Variants in ZNF709 observed in about 807,000 individuals in gnomAD.
ZNF709 encodes zinc finger protein 709.
Under a neutral mutation model 10.6 loss-of-function variants are expected in ZNF709, and 15 were observed. The ratio of observed to expected loss-of-function variants is 1.41; its 90% CI spans 0.95 to 2.18. ZNF709 has a LOEUF of 2.18. Among genes scored for constraint, ZNF709 ranks in the 30% most tolerant of loss-of-function variants. The pLI is 0.00. For synonymous variants in ZNF709, 194 were observed against 238.8 expected (o/e 0.81, Z 1.73); for missense variants, 589 against 774.0 (o/e 0.76, Z 2.84).
chr19:12,467,958 C>T (rs1033793148), intron 1 of ZNF709, among the ~76,000 whole-genome samples: 12 of 151,908 alleles, frequency 7.9e-5, no homozygotes, highest in East Asian at 3.9e-4. Flanking sequence ...CACGGCCAGC[C>T]GCCCCGTCCG....
chr19:12,470,947 G>A (rs1266359823), intron 1 of ZNF709, among the ~76,000 whole-genome samples: 1 of 151,356 alleles, frequency 6.6e-6, no homozygotes, highest in Non-Finnish European at 1.5e-5. Context: ...AAAAAAGAGT[G>A]GCTTAGCGTG....
chr19:12,482,830 T>G (rs1178986316), intron 1 of ZNF709, among the ~76,000 whole-genome samples: 1 of 152,072 alleles, frequency 6.6e-6, no homozygotes, highest in Non-Finnish European at 1.5e-5. Context: ...AAGAAACAAC[T>G]GGGCCTTCGA....
chr19:12,463,896 C>T lies in ZNF709; in HGVS notation c.*100G>A, dbSNP rs1448314292. 129 of 1,105,834 alleles carry T rather than the reference C, an allele frequency of 1.2e-4. No individual in the cohort carries two copies. Among genetic ancestry groups the T allele is most frequent in the Non-Finnish European group, 1.5e-4 (121 of 827,186 alleles). The allele number at this position is 1,105,834 out of a possible 1,614,324, so 68.5% of individuals were successfully genotyped here. On this transcript the variant is annotated 3_prime_UTR_variant, in exon 4 of 4. Transcript: ENST00000397732. Reference sequence around the variant, plus strand: ...GAGCTGAGATCACTCTACTGCACTCCAGCCAGGGCAACAGAGTGAGAATTC... The same window carrying T: ...GAGCTGAGATCACTCTACTGCACTCTAGCCAGGGCAACAGAGTGAGAATTC...
intron 3 of ZNF709, 83 bp from the exon 4 acceptor site, chr19:12,465,816 CATT>C (rs1454856326): frequency 8.9e-6 from 10 of 1,123,780 alleles, no homozygotes; most frequent in East Asian, 2.8e-5. Context: ...ATTTCACAAT[CATT>C]AGTAGGTAGT....
rs1345569377 is a variant in ZNF709, at chr19:12,461,493, A to C, written c.*2503T>G. ...CAGTGCAGTGGAGAAGCAGACACCC[A>C]TGTAGTTCTTTTTGACTGCACCACT... On this transcript the variant is annotated 3_prime_UTR_variant, in exon 4 of 4. Transcript: ENST00000397732. 6.6e-6 allele frequency: 1 copy of C among 152,198 alleles called. No homozygotes were observed. The highest frequency in any genetic ancestry group is 2.4e-5 in the African/African-American group (1 of 41,452). 9.4% of individuals were successfully genotyped at this position (152,198 alleles called of 1,614,324 possible). A position where few individuals can be genotyped will look rare whatever the true frequency, so the allele number is the denominator to read the frequency against.
intron 1 of ZNF709, among the ~76,000 whole-genome samples, chr19:12,480,977 T>C (rs1599636593): frequency 6.7e-6 from 1 of 148,172 alleles, no homozygotes; most frequent in African/African-American, 2.5e-5. Context: ...AGAGACAGGG[T>C]TTCGCCATGT....
chr19:12,463,851 C>G lies in ZNF709; in HGVS notation c.*145G>C, dbSNP rs1237664303. 12 of 599,322 alleles carry G rather than the reference C, an allele frequency of 2.0e-5. No homozygotes were observed. In the South Asian group the frequency reaches 5.6e-4, roughly 28 times the overall value. 37.1% of individuals were successfully genotyped at this position (599,322 alleles called of 1,614,324 possible). A position where few individuals can be genotyped will look rare whatever the true frequency, so the allele number is the denominator to read the frequency against. ...CTGAGGCAGGAGAATCGCTTGAACCCAGGAGACAGAGGTTGCAGTGAGCTG... is the reference window on the plus strand; with the variant it reads ...CTGAGGCAGGAGAATCGCTTGAACCGAGGAGACAGAGGTTGCAGTGAGCTG... On this transcript the variant is annotated 3_prime_UTR_variant, in exon 4 of 4. Transcript: ENST00000397732.
At chr19:12,470,227 G>C (rs1970623282) in intron 1 of ZNF709, among the ~76,000 whole-genome samples, 1 of 152,064 alleles carries the variant, frequency 6.6e-6, no homozygotes, top group African/African-American at 2.4e-5. Context: ...CTTTGAAAAA[G>C]ATCATTAACC....
At chr19:12,467,626 T>A (rs1429009362) in intron 1 of ZNF709, among the ~76,000 whole-genome samples, 1 of 150,866 alleles carries the variant, frequency 6.6e-6, no homozygotes. Context: ...GAGGAGCCCC[T>A]CTGCCTGGCT....
chr19:12,468,832 C>G lies in ZNF709; in HGVS notation c.4-1982G>C, dbSNP rs137884473. On this transcript the variant is annotated intron_variant, in intron 1 of 3. Coordinates refer to ENST00000397732, the MANE Select transcript of ZNF709 (RefSeq NM_152601.4). Reference sequence around the variant, plus strand: ...CTCAGCATCCCATGAAACACAGGGTCAAATCTGTACGAGATTTTTTTTTTT... The same window carrying G: ...CTCAGCATCCCATGAAACACAGGGTGAAATCTGTACGAGATTTTTTTTTTT... Among the ~76,000 whole-genome samples, 604 of 151,942 alleles carry G rather than the reference C, an allele frequency of 4.0e-3. 4 individuals are homozygous for G. Among genetic ancestry groups the G allele is most frequent in the African/African-American group, 0.014 (566 of 41,422 alleles).
rs1970529464 is a variant in ZNF709 at position 12,462,912 on chromosome 19, T to C, written c.*1084A>G. On this transcript the variant is annotated 3_prime_UTR_variant, in exon 4 of 4. Transcript: ENST00000397732. ...ACTATCAATTCAACTTGTGTACAAC[T>C]GTATAAGAGCTTACAGAATTATCTC... The C allele has an allele frequency of 1.3e-5, 2 of 152,230 alleles. No homozygotes were observed. The allele number at this position is 152,230 out of a possible 1,614,324, so 9.4% of individuals were successfully genotyped here. A position where few individuals can be genotyped will look rare whatever the true frequency, so the allele number is the denominator to read the frequency against.
At chr19:12,468,052 G>A (rs1440154516) in intron 1 of ZNF709, among the ~76,000 whole-genome samples, 14 of 148,532 alleles carry the variant, frequency 9.4e-5, no homozygotes, top group Admixed American at 2.7e-4. Flanking sequence ...CCGGCCAGCC[G>A]TCCCGTCCGG....
chr19:12,477,415 C>T (rs1970685985), intron 1 of ZNF709, among the ~76,000 whole-genome samples: 1 of 152,162 alleles, frequency 6.6e-6, no homozygotes, highest in South Asian at 2.1e-4. Context: ...TTATGACTCA[C>T]TGGTTTAGAG....
Position 12,484,640 on chromosome 19 carries a change from G to A in ZNF709, c.3+15C>T. On this transcript the variant is annotated intron_variant, in intron 1 of 3. Transcript: ENST00000397732. The stretch of plus-strand genomic sequence containing the variant: ...CCTCTCTCCCATCTCAAGACCCCCA[G>A]CCCCGCACACTTACCATTTCCCAGA... 1 of 1,613,856 alleles carries A rather than the reference G, an allele frequency of 6.2e-7. No homozygotes were observed. The highest frequency in any genetic ancestry group is 8.5e-7 in the Non-Finnish European group (1 of 1,179,876).
chr19:12,482,156 A>ACACAC (rs1555694485), intron 1 of ZNF709, among the ~76,000 whole-genome samples: 2,266 of 128,430 alleles, frequency 0.018, 99 homozygotes, highest in East Asian at 0.05. Flanking sequence ...CACACACACA[A>ACACAC]ACACACACAC....
chr19:12,464,878 A>C lies in ZNF709; in HGVS notation c.1044T>G (p.Leu348=), dbSNP rs768019281. 1 of 1,613,854 alleles carries C rather than the reference A, an allele frequency of 6.2e-7. No individual in the cohort carries two copies. The highest frequency in any genetic ancestry group is 8.5e-7 in the Non-Finnish European group (1 of 1,179,914). The part of the protein sequence containing the change: ...CKECGKAFIS[L]PSYRRHMIMH... ...TTATCATATGTCTTCGATAGCTTGG[A>C]AGAGAAATGAATGCTTTCCCACATT... The change falls in exon 4 of 4, where the codon CTT becomes CTG. Residue 348 remains leucine (L), a synonymous_variant. Transcript: ENST00000397732.
chr19:12,463,005 CTGATAA>C lies in ZNF709; in HGVS notation c.*985_*990del, dbSNP rs1385059580. ...AGAGATCCATTTTAAGAATCAGTAA[CTGATAA>C]TATGTTTTATCACATTTCTGACATG... On this transcript the variant is annotated 3_prime_UTR_variant, in exon 4 of 4. Transcript: ENST00000397732. The C allele has an allele frequency of 6.6e-6, 1 of 152,184 alleles. No homozygotes were observed. Among genetic ancestry groups the C allele is most frequent in the African/African-American group, 2.4e-5 (1 of 41,446 alleles). 9.4% of individuals were successfully genotyped at this position (152,184 alleles called of 1,614,324 possible). A position where few individuals can be genotyped will look rare whatever the true frequency, so the allele number is the denominator to read the frequency against.
Position 12,465,143 on chromosome 19 carries a change from G to A in ZNF709, c.779C>T (p.Ala260Val). 1.2e-6 allele frequency: 2 copies of A among 1,612,404 alleles called. No individual in the cohort carries two copies. The highest frequency in any genetic ancestry group is 1.3e-5 in the African/African-American group (1 of 74,882). ...KPYECKQCGK[A>V]FRYYQTFQIH... ...TTGAAAAGTTTGGTAATATCTGAAA[G>A]CTTTTCCACATTGTTTACATTCATA... is the stretch of plus-strand genomic sequence containing the variant. Residue 260 changes from alanine to valine, a missense_variant, in exon 4 of 4, where the codon GCT (alanine) becomes GTT (valine). Ala to Val is a moderately conservative substitution (Grantham distance 64). Transcript: ENST00000397732.
intron 1 of ZNF709, among the ~76,000 whole-genome samples, chr19:12,479,580 C>T (rs1478433778): frequency 3.3e-5 from 5 of 152,110 alleles, no homozygotes; most frequent in Non-Finnish European, 7.4e-5. Context: ...AATCCTAAGA[C>T]TTAATCCAGG....
Sources: allele counts gnomAD v4.1 joint callset (sites outside exome capture counted in the v4.1 genomes callset), GRCh38; gene constraint gnomAD v4.1.1; transcripts MANE v1.5; gene names NCBI Gene and HGNC (gene_info 2026-07-23, HGNC 2026-07-21).